The following METTL27 variants were observed in gnomAD, a reference collection of about 807,000 sequenced individuals.
The protein encoded by METTL27 is methyltransferase-like protein 27.
In METTL27, 29 loss-of-function variants were observed where a neutral mutation model predicts 24.5. The observed-to-expected ratio is 1.18, with a 90% CI of 0.88 to 1.61. The LOEUF (loss-of-function observed/expected upper bound fraction) is 1.61, where lower values mean the gene tolerates loss of function less well. Among genes scored for constraint, METTL27 ranks in the 40% most tolerant of loss-of-function variants. METTL27 has a pLI of 0.00. For synonymous variants in METTL27, 138 were observed against 146.8 expected (o/e 0.94, Z 0.43); for missense variants, 341 against 324.3 (o/e 1.05, Z -0.40).
intron 2 of METTL27, 112 bp from the exon 3 acceptor site, chr7:73,841,310 C>A: frequency 2.1e-6 from 3 of 1,447,602 alleles, no homozygotes; most frequent in Admixed American, 3.3e-5. Context: ...GGGGATCAAG[C>A]CTGGCTGGGG....
chr7:73,838,023 A>ATT lies in METTL27; in HGVS notation c.478+2006_478+2007dup, dbSNP rs71519309. ...CACCACCACGCCTGGCTAATTAAACATTTTTTTTTTGTAGAGATGGGGTCT... is the reference window on the plus strand; with the variant it reads ...CACCACCACGCCTGGCTAATTAAACATTTTTTTTTTTTGTAGAGATGGGGTCT... On this transcript the variant is annotated intron_variant, in intron 5 of 5. Coordinates refer to ENST00000297873, the MANE Select transcript of METTL27 (RefSeq NM_152559.3). Among the ~76,000 whole-genome samples the ATT allele has an allele frequency of 5.8e-3, 855 of 146,212 alleles. 7 individuals are homozygous for ATT. The highest frequency in any genetic ancestry group is 0.02 in the African/African-American group (812 of 39,886).
At position 73,840,535 on chromosome 7, in the gene METTL27, G is replaced by A. The variant is rs781863080; in HGVS notation, c.267C>T (p.Gly89=). The A allele has an allele frequency of 3.1e-6, 5 of 1,598,628 alleles. No individual in the cohort carries two copies. The highest frequency in any genetic ancestry group is 4.3e-6 in the Non-Finnish European group (5 of 1,173,176). The change falls in exon 4 of 6, where the codon GGC becomes GGT. Residue 89 remains glycine (G), a synonymous_variant. Coordinates refer to ENST00000297873, the MANE Select transcript of METTL27 (RefSeq NM_152559.3). ...CATCCACCCCATGCAGCTGGAGGAA[G>A]CCTGGAGCCCGCAGCTGGGGTAGGG... The part of the protein sequence containing the change: ...GLVAAELRAP[G]FLQLHGVDGS...
At chr7:73,836,036 G>A (rs1181603799) in intron 5 of METTL27, among the ~76,000 whole-genome samples, 1 of 147,796 alleles carries the variant, frequency 6.8e-6, no homozygotes, top group African/African-American at 2.7e-5. Flanking sequence ...CGTCTGGGAA[G>A]TGAGGAGCGT....
At chr7:73,839,980 G>C in intron 5 of METTL27, 51 bp downstream of exon 5, 1 of 1,528,350 alleles carries the variant, frequency 6.5e-7, no homozygotes, top group Non-Finnish European at 8.9e-7. Context: ...ATGCACAGGG[G>C]AAGGTATATG....
rs1554636708 is a variant in METTL27 at position 73,842,512 on chromosome 7, C to G, written c.-27G>C. 4.9e-6 allele frequency: 1 copy of G among 203,226 alleles called. No individual in the cohort carries two copies. 12.6% of individuals were successfully genotyped at this position (203,226 alleles called of 1,614,324 possible). A position where few individuals can be genotyped will look rare whatever the true frequency, so the allele number is the denominator to read the frequency against. ...CACCGCCAATCCAGCGCGCCTCGGGCGTGTGGGCAACAGGACTCGGGGCGG... is the reference window on the plus strand; with the variant it reads ...CACCGCCAATCCAGCGCGCCTCGGGGGTGTGGGCAACAGGACTCGGGGCGG... On this transcript the variant is annotated 5_prime_UTR_variant, in exon 1 of 6. Transcript: ENST00000297873.
intron 1 of METTL27, 23 bp from the exon 2 acceptor site, chr7:73,842,167 T>C (rs1409818788): frequency 6.3e-7 from 1 of 1,585,934 alleles, no homozygotes; most frequent in Non-Finnish European, 8.6e-7. Flanking sequence ...CGTTGCCCTG[T>C]CTCGAGGTCC....
intron 1 of METTL27, 52 bp from the exon 2 acceptor site, chr7:73,842,196 C>T: frequency 3.2e-6 from 5 of 1,557,922 alleles, no homozygotes; most frequent in Non-Finnish European, 4.3e-6. Context: ...CGCCCATCCC[C>T]TCCTTTCCCC....
intron 5 of METTL27, among the ~76,000 whole-genome samples, chr7:73,839,007 G>A (rs1379475662): frequency 5.3e-5 from 8 of 152,230 alleles, no homozygotes; most frequent in Admixed American, 5.2e-4. Flanking sequence ...AGCAGGACCA[G>A]GCACAGTGGC....
intron 5 of METTL27, among the ~76,000 whole-genome samples, chr7:73,836,171 A>G (rs1395997948): frequency 2.0e-5 from 2 of 97,916 alleles, no homozygotes; most frequent in South Asian, 3.4e-4. Flanking sequence ...CCCATCCGGG[A>G]GGGAGGTAGG....
At chr7:73,839,417 G>T (rs1788290620) in intron 5 of METTL27, among the ~76,000 whole-genome samples, 1 of 152,190 alleles carries the variant, frequency 6.6e-6, no homozygotes, top group South Asian at 2.1e-4. Context: ...AGAGGGCAGG[G>T]TCTGAGCCCT....
At position 73,834,778 on chromosome 7, in the gene METTL27, T is replaced by G; in HGVS notation, c.703A>C (p.Thr235Pro). The G allele has an allele frequency of 6.2e-7, 1 of 1,614,092 alleles. No homozygotes were observed. Among genetic ancestry groups the G allele is most frequent in the Non-Finnish European group, 8.5e-7 (1 of 1,180,012 alleles). Reference sequence around the variant, plus strand: ...AACCTGGGTCGCCTTCCACTTTCGGTACAGGTAGACAATGCCGGAGATGAA... The same window carrying G: ...AACCTGGGTCGCCTTCCACTTTCGGGACAGGTAGACAATGCCGGAGATGAA... ...MASSPALSTC[T>P]ESGRRPRLRK Residue 235 changes from threonine to proline, a missense_variant, in exon 6 of 6, where the codon ACC becomes CCC. Thr to Pro is a conservative substitution (Grantham distance 38, BLOSUM62 -1). Coordinates refer to ENST00000297873, the MANE Select transcript of METTL27 (RefSeq NM_152559.3).
chr7:73,836,177 G>A (rs1788184143), intron 5 of METTL27, among the ~76,000 whole-genome samples: 1 of 124,646 alleles, frequency 8.0e-6, no homozygotes. Context: ...CGGGAGGGAG[G>A]TAGGGGGGTC....
chr7:73,840,697 C>T (rs1788329305), intron 3 of METTL27, 148 bp from the exon 4 acceptor site: 7 of 1,211,802 alleles, frequency 5.8e-6, no homozygotes, highest in Non-Finnish European at 7.8e-6. Flanking sequence ...CTCTCTCTGT[C>T]GCCCAAACTG....
Position 73,841,163 on chromosome 7 carries a change from G to A in METTL27, c.159C>T (p.Leu53=), listed in dbSNP as rs782408630. ...VATLLYRAPR[L]AVDCLTQALP... is the part of the protein sequence containing the mutation. Reference sequence around the variant, plus strand: ...GGGCTTGTGTGAGGCAGTCCACTGCGAGGCGGGGCGCACGGTACAGCAGGG... The same window carrying A: ...GGGCTTGTGTGAGGCAGTCCACTGCAAGGCGGGGCGCACGGTACAGCAGGG... Residue 53 remains leucine (L), a synonymous_variant, in exon 3 of 6, where the codon CTC becomes CTT. Transcript: ENST00000297873. 5.8e-6 allele frequency: 9 copies of A among 1,549,968 alleles called. No homozygotes were observed. In the East Asian group the frequency reaches 7.5e-5, roughly 13 times the overall value.
At chr7:73,839,922 C>T (rs782704281) in intron 5 of METTL27, 109 bp downstream of exon 5, 178 of 1,004,480 alleles carry the variant, frequency 1.8e-4, no homozygotes, top group African/African-American at 2.3e-4. Flanking sequence ...CTGGGCAGGA[C>T]GCTGCCCCTC....
intron 5 of METTL27, among the ~76,000 whole-genome samples, chr7:73,835,894 G>C (rs1224213624): frequency 2.7e-5 from 4 of 149,030 alleles, no homozygotes; most frequent in African/African-American, 9.8e-5. Context: ...GAGCACCTCT[G>C]CCCGGCCGCA....
At chr7:73,840,146 G>T in intron 4 of METTL27, 26 bp from the exon 5 acceptor site, 4 of 1,321,292 alleles carry the variant, frequency 3.0e-6, no homozygotes, top group South Asian at 2.6e-5. Flanking sequence ...GGGGGGTGGG[G>T]ACATGGTGTG....
At chr7:73,836,248 C>G (rs1347498024) in intron 5 of METTL27, among the ~76,000 whole-genome samples, 3 of 122,926 alleles carry the variant, frequency 2.4e-5, no homozygotes, top group Admixed American at 2.3e-4. Context: ...GCCCCCCGCC[C>G]GGCCAGCCGC....
At chr7:73,842,318 T>G (rs1788389127) in intron 1 of METTL27, among the ~76,000 whole-genome samples, 172 bp downstream of exon 1, 1 of 151,858 alleles carries the variant, frequency 6.6e-6, no homozygotes, top group Non-Finnish European at 1.5e-5. Flanking sequence ...GGCTTGGATA[T>G]TTACACTCTG....
Sources: allele counts gnomAD v4.1 joint callset (sites outside exome capture counted in the v4.1 genomes callset), GRCh38; gene constraint gnomAD v4.1.1; transcripts MANE v1.5; gene names NCBI Gene and HGNC (gene_info 2026-07-23, HGNC 2026-07-21).